The following SLC36A1 variants were observed in gnomAD, a reference collection of about 807,000 sequenced individuals.
SLC36A1 encodes the protein proton-coupled amino acid transporter 1.
Under a neutral mutation model 47.5 loss-of-function variants are expected in SLC36A1, and 30 were observed. The ratio of observed to expected loss-of-function variants is 0.63; its 90% CI spans 0.47 to 0.86. SLC36A1 has a LOEUF of 0.86. Ranked by LOEUF, SLC36A1 falls within the 40% of genes least tolerant of loss-of-function variation. The probability of loss-of-function intolerance (pLI) is 0.00; values close to 1 mark genes in which losing one functional copy is unlikely to be tolerated. For missense variants in SLC36A1, 517 were observed against 606.0 expected (o/e 0.85, Z 1.54); for synonymous variants, 255 against 249.7 (o/e 1.02, Z -0.20).
chr5:151,554,764 C>A, the SLC36A1 span: 1 of 996,238 alleles, frequency 1.0e-6, no homozygotes, highest in Non-Finnish European at 1.5e-6. Context: ...TCACTTTGTT[C>A]TTTGGTATGA....
the SLC36A1 span, chr5:151,506,246 C>T: frequency 1.0e-5 from 8 of 783,534 alleles, no homozygotes; most frequent in Non-Finnish European, 1.5e-5. Flanking sequence ...TGTTGGCTTA[C>T]GTTGATAACA....
the SLC36A1 span, among the ~76,000 whole-genome samples, chr5:151,362,969 GGTTCCCGTGTA>G: frequency 6.6e-6 from 1 of 152,112 alleles, no homozygotes; most frequent in East Asian, 1.9e-4. Flanking sequence ...GGGAAGTCAT[GGTTCCCGTGTA>G]CTGTTATTTC....
In SLC36A1 at chr5:151,467,944, T is replaced by C. The variant is rs441652; in HGVS notation, c.723+19T>C. The C allele has an allele frequency of 0.42, 669,949 of 1,600,604 alleles. 149,320 individuals are homozygous for C. The highest frequency in any genetic ancestry group is 0.84 in the African/African-American group (62,727 of 74,302). On this transcript the variant is annotated intron_variant, in intron 7 of 10. Transcript: ENST00000243389. The stretch of plus-strand genomic sequence containing the variant: ...TGTTCAGGTACATGCCTAGGCCCTC[T>C]CCTATCATCTTGGTTCAATATTTTA...
chr5:151,378,808 C>T, the SLC36A1 span, among the ~76,000 whole-genome samples: 1 of 152,224 alleles, frequency 6.6e-6, no homozygotes. Context: ...TACCCACCCC[C>T]TGCCACTGCC....
upstream of SLC36A1, among the ~76,000 whole-genome samples, chr5:151,444,574 C>T (rs187676844): frequency 6.6e-6 from 1 of 152,322 alleles, no homozygotes; most frequent in East Asian, 1.9e-4. Context: ...CAACCTCCGC[C>T]TCCCAGGTTC....
the SLC36A1 span, chr5:151,553,101 CTG>C: frequency 6.9e-7 from 1 of 1,449,346 alleles, no homozygotes. Flanking sequence ...GTCAGAAGGA[CTG>C]TAGCAGGAAA....
At position 151,439,977 on chromosome 5, in the gene SLC36A1, T is replaced by G. The variant is rs79311590; in HGVS notation, c.-6+2798T>G. ...AGCACTTGTGCCACTTAATAAATTCTTGAATTTTGTTGTGATTGGGTTGCC... is the reference window on the plus strand; with the variant it reads ...AGCACTTGTGCCACTTAATAAATTCGTGAATTTTGTTGTGATTGGGTTGCC... On this transcript the variant is annotated intron_variant, in intron 1 of 8. Transcript: ENST00000429484. Among the ~76,000 whole-genome samples the G allele has an allele frequency of 5.5e-3, 843 of 152,354 alleles. 8 individuals are homozygous for G. Among genetic ancestry groups the G allele is most frequent in the African/African-American group, 0.019 (794 of 41,582 alleles).
upstream of SLC36A1, among the ~76,000 whole-genome samples, chr5:151,436,267 C>G (rs1759773953): frequency 6.6e-6 from 1 of 152,140 alleles, no homozygotes; most frequent in Admixed American, 6.5e-5. Flanking sequence ...ACCCAATAAC[C>G]ACTGTCTAGA....
chr5:151,405,104 TG>T, the SLC36A1 span, among the ~76,000 whole-genome samples: 1 of 152,218 alleles, frequency 6.6e-6, no homozygotes, highest in African/African-American at 2.4e-5. Context: ...CTTTTATTTT[TG>T]TGGGACTGAG....
intron 1 of SLC36A1, among the ~76,000 whole-genome samples, chr5:151,452,850 A>G (rs1019767386): frequency 3.3e-5 from 5 of 150,026 alleles, no homozygotes; most frequent in Non-Finnish European, 5.9e-5. Flanking sequence ...AGCCTGGGCA[A>G]CAGAGGGAGA....
chr5:151,450,095 G>A (rs1275499119), intron 1 of SLC36A1, among the ~76,000 whole-genome samples: 2 of 152,168 alleles, frequency 1.3e-5, no homozygotes, highest in African/African-American at 4.8e-5. Context: ...CATGTAGAGT[G>A]GATGGAGCAG....
chr5:151,467,633 C>G (rs545148505), intron 6 of SLC36A1, 74 bp from the exon 7 acceptor site: 4 of 1,297,574 alleles, frequency 3.1e-6, no homozygotes, highest in East Asian at 2.3e-5. Context: ...CCTCAGGAAC[C>G]TCTTCCAGCA....
chr5:151,497,586 A>G, the SLC36A1 span, among the ~76,000 whole-genome samples: 59,112 of 152,052 alleles, frequency 0.39, 15,292 homozygotes, highest in African/African-American at 0.74. Context: ...TATTTTTGGC[A>G]TAAGGGTACT....
chr5:151,507,623 G>GAGA, the SLC36A1 span: 1,277,886 of 1,589,644 alleles, frequency 0.8, 516,476 homozygotes, highest in East Asian at 0.99. Context: ...TGCGGAGACA[G>GAGA]AGTAGTCAGG....
chr5:151,515,957 C>G, the SLC36A1 span, among the ~76,000 whole-genome samples: 41 of 152,210 alleles, frequency 2.7e-4, 1 homozygote, highest in African/African-American at 9.2e-4. Context: ...CATAGATATG[C>G]CCCATCCCAT....
rs538434609 is a variant in SLC36A1, at chr5:151,465,232, G to A, written c.419+63G>A. 4.8e-6 allele frequency: 6 copies of A among 1,252,038 alleles called. No homozygotes were observed. The East Asian group carries it at 1.4e-4, about 29-fold the overall frequency. 77.6% of individuals were successfully genotyped at this position (1,252,038 alleles called of 1,614,324 possible). ...CAGTGTGAGGCCTTCAGATGGGGAG[G>A]TGCAACGTGGGAGACAGTGTAAAGC... On this transcript the variant is annotated intron_variant, in intron 5 of 10. Coordinates refer to ENST00000243389, the MANE Select transcript of SLC36A1 (RefSeq NM_078483.4).
the SLC36A1 span, chr5:151,553,228 C>T: frequency 6.2e-7 from 1 of 1,614,242 alleles, no homozygotes; most frequent in Non-Finnish European, 8.5e-7. Context: ...CTGATGACCC[C>T]CACCATGTGG....
the SLC36A1 span, chr5:151,549,217 G>A: frequency 6.2e-3 from 8,656 of 1,388,886 alleles, 46 homozygotes; most frequent in Non-Finnish European, 8.0e-3. Flanking sequence ...ATTAATTTGC[G>A]AATTCATGCC....
chr5:151,471,365 G>C (rs1315193821), intron 7 of SLC36A1, among the ~76,000 whole-genome samples: 1 of 152,166 alleles, frequency 6.6e-6, no homozygotes, highest in Admixed American at 6.5e-5. Context: ...AGTTGGTTGG[G>C]TCAGTAGCAA....
Sources: gnomAD v4.1 joint callset for allele counts (sites outside exome capture counted in the v4.1 genomes callset) on GRCh38, gnomAD v4.1.1 for gene constraint, MANE v1.5 for transcripts, NCBI Gene and HGNC (gene_info 2026-07-23, HGNC 2026-07-21) for gene names.